Variants in NME5 observed in about 807,000 individuals in gnomAD.
The protein encoded by NME5 is NME/NM23 family member 5.
NME5 carries 18 observed loss-of-function variants against 21.6 expected under a neutral mutation model. The observed-to-expected ratio is 0.83, with a 90% CI of 0.58 to 1.24. NME5 has a LOEUF of 1.24. NME5 is among the 50% of genes most tolerant of loss of function. The pLI is 0.00. For missense variants in NME5, 223 were observed against 255.4 expected (o/e 0.87, Z 0.86); for synonymous variants, 70 against 80.6 (o/e 0.87, Z 0.71).
chr5:138,128,415 CA>C, intron 4 of NME5, 63 bp downstream of exon 4: 10 of 1,246,724 alleles, frequency 8.0e-6, no homozygotes, highest in Non-Finnish European at 1.1e-5. Flanking sequence ...GCTATATCCG[CA>C]AAATAAAAGA....
intron 4 of NME5, among the ~76,000 whole-genome samples, chr5:138,125,580 A>AC (rs1300611704): frequency 6.6e-6 from 1 of 151,034 alleles, no homozygotes; most frequent in Non-Finnish European, 1.5e-5. Context: ...CCCTGTGACC[A>AC]CCCCCCAGAA....
rs1336439840 is a variant in NME5 at position 138,117,855 on chromosome 5, C to T, written c.555+963G>A. Reference sequence around the variant, plus strand: ...AAAATTACCCGGGCGTGGTGGTGTTCGCCTGTAAATCCCAGCTACTCAGGA... The same window carrying T: ...AAAATTACCCGGGCGTGGTGGTGTTTGCCTGTAAATCCCAGCTACTCAGGA... On this transcript the variant is annotated intron_variant, in intron 5 of 5. Coordinates refer to ENST00000265191, the MANE Select transcript of NME5 (RefSeq NM_003551.3). Among the ~76,000 whole-genome samples the T allele has an allele frequency of 5.9e-5, 9 of 151,598 alleles. No homozygotes were observed. The East Asian group carries it at 9.9e-4, about 17-fold the overall frequency.
Position 138,124,032 on chromosome 5 carries a change from T to C in NME5, c.436+4447A>G, listed in dbSNP as rs1751345642. ...TTTTTTTGAGATGGAGTCTTGTTCT[T>C]GTTGCCCAGGCTGGGGTGCAATGGC... is the stretch of plus-strand genomic sequence containing the variant. On this transcript the variant is annotated intron_variant, in intron 4 of 5. Transcript: ENST00000265191. Among the ~76,000 whole-genome samples the C allele has an allele frequency of 2.0e-5, 3 of 147,952 alleles. No homozygotes were observed. The South Asian group carries it at 6.6e-4, about 33-fold the overall frequency.
In NME5 at chr5:138,129,184, T is replaced by C. The variant is rs1396806772; in HGVS notation, c.335+79A>G. On this transcript the variant is annotated intron_variant, in intron 3 of 5. Transcript: ENST00000265191. ...TTCCAAATAAAAAAAAAATTCCCAT[T>C]ACAATGAAATCAGATTTTTTTTTTT... is the stretch of plus-strand genomic sequence containing the variant. 3 of 1,237,552 alleles carry C rather than the reference T, an allele frequency of 2.4e-6. No homozygotes were observed. In the African/African-American group the frequency reaches 4.6e-5, roughly 19 times the overall value. The allele number at this position is 1,237,552 out of a possible 1,614,324, so 76.7% of individuals were successfully genotyped here. A position where few individuals can be genotyped will look rare whatever the true frequency, so the allele number is the denominator to read the frequency against.
Position 138,115,784 on chromosome 5 carries a change from A to G in NME5, c.556-20T>C. 1 of 1,473,796 alleles carries G rather than the reference A, an allele frequency of 6.8e-7. No individual in the cohort carries two copies. Among genetic ancestry groups the G allele is most frequent in the Non-Finnish European group, 9.2e-7 (1 of 1,085,800 alleles). 91.3% of individuals were successfully genotyped at this position (1,473,796 alleles called of 1,614,324 possible). On this transcript the variant is annotated intron_variant, in intron 5 of 5. Transcript: ENST00000265191. Reference sequence around the variant, plus strand: ...CCAAATCTATGGGAAAAAAAAAAACAACCTAAGTTAAGAAACAGTTACATA... The same window carrying G: ...CCAAATCTATGGGAAAAAAAAAAACGACCTAAGTTAAGAAACAGTTACATA...
intron 2 of NME5, among the ~76,000 whole-genome samples, chr5:138,134,906 G>A (rs1291211126): frequency 5.3e-5 from 8 of 150,242 alleles, no homozygotes; most frequent in African/African-American, 2.0e-4. Flanking sequence ...TAGTAGAGAC[G>A]GGGTTTCGCT....
At chr5:138,120,129 G>T (rs1266370892) in intron 4 of NME5, among the ~76,000 whole-genome samples, 1 of 150,468 alleles carries the variant, frequency 6.6e-6, no homozygotes, top group Non-Finnish European at 1.5e-5. Flanking sequence ...TTAGAGACAG[G>T]GTGTCACTCA....
At chr5:138,131,680 G>A (rs958834730) in intron 2 of NME5, among the ~76,000 whole-genome samples, 1 of 151,800 alleles carries the variant, frequency 6.6e-6, no homozygotes, top group Non-Finnish European at 1.5e-5. Flanking sequence ...AAAAATCATG[G>A]TAGCTCAGTC....
intron 2 of NME5, among the ~76,000 whole-genome samples, chr5:138,133,476 G>T (rs1751621311): frequency 6.6e-6 from 1 of 152,052 alleles, no homozygotes; most frequent in Non-Finnish European, 1.5e-5. Context: ...ACTGGATCAG[G>T]TGAAATTTTT....
Position 138,118,913 on chromosome 5 carries a change from C to T in NME5, c.460G>A (p.Gly154Arg). The change falls in exon 5 of 6, where the codon GGA becomes AGA. Residue 154 changes from glycine (G) to arginine (R), a missense_variant. By Grantham distance (125) the Gly-to-Arg change is moderately radical (BLOSUM62 -2). Transcript: ENST00000265191. ...TTTAAATAGTCCTTAGCAGCTTGTC[C>T]AATTGGAATGGGCTCAACAATCACT... ...PEVIVEPIPI[G>R]QAAKDYLNLH... The T allele has an allele frequency of 1.2e-6, 2 of 1,608,556 alleles. No homozygotes were observed. The highest frequency in any genetic ancestry group is 2.2e-5 in the South Asian group (2 of 90,932).
intron 1 of NME5, chr5:138,138,987 A>C (rs1751797932): frequency 2.2e-6 from 1 of 458,846 alleles, no homozygotes; most frequent in Non-Finnish European, 3.8e-6. Flanking sequence ...ACTATGTCCA[A>C]ATCGAGCCCC....
intron 4 of NME5, among the ~76,000 whole-genome samples, chr5:138,127,993 T>C (rs1751461289): frequency 6.6e-6 from 1 of 152,168 alleles, no homozygotes; most frequent in African/African-American, 2.4e-5. Context: ...GCAGGCAGAT[T>C]ACTTGAGCAC....
intron 2 of NME5, among the ~76,000 whole-genome samples, chr5:138,133,884 A>C (rs1459255492): frequency 6.6e-6 from 1 of 152,150 alleles, no homozygotes; most frequent in East Asian, 1.9e-4. Context: ...TAAGATGAAA[A>C]GGTTCTAGAA....
rs151293854 is a variant in NME5, at chr5:138,118,480, T to G, written c.555+338A>C. On this transcript the variant is annotated intron_variant, in intron 5 of 5. Coordinates refer to ENST00000265191, the MANE Select transcript of NME5 (RefSeq NM_003551.3). ...TTAAACGTGAAAACTACAGACAATT[T>G]ATAGAAAAAAAAATTTTTTTTTTGA... Among the ~76,000 whole-genome samples the G allele has an allele frequency of 6.1e-4, 91 of 148,514 alleles. No individual in the cohort carries two copies. The Middle Eastern group carries it at 0.011, about 18-fold the overall frequency.
chr5:138,118,669 C>G (rs6878575), intron 5 of NME5, 149 bp downstream of exon 5: 472,237 of 475,782 alleles, frequency 0.99, 234,461 homozygotes, highest in East Asian at 1. Flanking sequence ...ATTTTTAGTA[C>G]AGACGGGGTT....
intron 5 of NME5, chr5:138,116,111 A>T (rs1245751996): frequency 6.0e-6 from 1 of 167,376 alleles, no homozygotes; most frequent in East Asian, 1.6e-4. Flanking sequence ...AGTCCAAAAA[A>T]AAATTTTAAA....
At chr5:138,132,836 G>C (rs1244539687) in intron 2 of NME5, among the ~76,000 whole-genome samples, 1 of 152,046 alleles carries the variant, frequency 6.6e-6, no homozygotes, top group Non-Finnish European at 1.5e-5. Context: ...TTCATACAGC[G>C]ATTAAATAAA....
intron 2 of NME5, among the ~76,000 whole-genome samples, chr5:138,132,914 A>G (rs1751601255): frequency 6.6e-6 from 1 of 151,986 alleles, no homozygotes; most frequent in Non-Finnish European, 1.5e-5. Flanking sequence ...AAATTAAGAC[A>G]TGAAACTATG....
intron 4 of NME5, among the ~76,000 whole-genome samples, chr5:138,124,611 G>C (rs1409359617): frequency 2.0e-5 from 3 of 151,934 alleles, no homozygotes; most frequent in African/African-American, 7.2e-5. Context: ...GCCTCGACCT[G>C]CTGGGCTCAA....
Sources: allele counts gnomAD v4.1 joint callset (sites outside exome capture counted in the v4.1 genomes callset), GRCh38; gene constraint gnomAD v4.1.1; transcripts MANE v1.5; gene names NCBI Gene and HGNC (gene_info 2026-07-23, HGNC 2026-07-21).